INPP4B: variants seen among roughly 807,000 people sequenced by gnomAD.
INPP4B encodes the protein inositol polyphosphate 4-phosphatase type II.
In INPP4B, 55 loss-of-function variants were observed where a neutral mutation model predicts 122.5. The observed-to-expected ratio is 0.45, with a 90% CI of 0.36 to 0.56. The LOEUF is 0.56. Ranked by LOEUF, INPP4B falls within the 20% of genes least tolerant of loss-of-function variation. The pLI is 0.00. For missense variants in INPP4B, 1,000 were observed against 1,097.7 expected, an observed-to-expected ratio of 0.91 and a Z score of 1.26; for synonymous variants, 403 against 388.7, an observed-to-expected ratio of 1.04 and a Z score of -0.43.
intron 12 of INPP4B, among the ~76,000 whole-genome samples, chr4:142,236,302 A>G (rs1457260074): frequency 6.6e-6 from 1 of 152,206 alleles, no homozygotes; most frequent in Non-Finnish European, 1.5e-5. Context: ...CAAACTCCTT[A>G]TGCTTCTACT....
chr4:142,633,499 C>T (rs1748437635), intron 2 of INPP4B, among the ~76,000 whole-genome samples: 1 of 152,072 alleles, frequency 6.6e-6, no homozygotes, highest in Admixed American at 6.6e-5. Context: ...TATCTTAACA[C>T]ACTTAAAGGA....
At chr4:142,643,745 G>A (rs1751086108) in intron 2 of INPP4B, among the ~76,000 whole-genome samples, 1 of 152,056 alleles carries the variant, frequency 6.6e-6, no homozygotes, top group Non-Finnish European at 1.5e-5. Flanking sequence ...ATTGGGCAGA[G>A]GTTTAAGTGA....
chr4:142,402,992 C>G lies in INPP4B; in HGVS notation c.318G>C (p.Glu106Asp). The G allele has an allele frequency of 1.2e-6, 2 of 1,611,008 alleles. No individual in the cohort carries two copies. The highest frequency in any genetic ancestry group is 1.7e-6 in the Non-Finnish European group (2 of 1,177,262). ...AGACTGTTAGTTTTATTTTGGTCTC[C>G]TCATAGATGGGATACTCAGATGGGA... Reference protein sequence around the residue: ...VTFPSEYPIYEETKIKLTVYD... With the variant: ...VTFPSEYPIYDETKIKLTVYD... Residue 106 changes from glutamate to aspartate, a missense_variant, in exon 7 of 26, where the codon GAG becomes GAC. By Grantham distance (45) the Glu-to-Asp change is conservative. Coordinates refer to ENST00000262992, the MANE Select transcript of INPP4B (RefSeq NM_001101669.3).
At chr4:142,803,932 G>A (rs1778345389) in intron 1 of INPP4B, among the ~76,000 whole-genome samples, 1 of 151,912 alleles carries the variant, frequency 6.6e-6, no homozygotes, top group Non-Finnish European at 1.5e-5. Context: ...GGCGGCATGT[G>A]CCTATAATCC....
At chr4:142,265,629 A>G (rs1435884376) in intron 10 of INPP4B, among the ~76,000 whole-genome samples, 2 of 152,202 alleles carry the variant, frequency 1.3e-5, no homozygotes, top group African/African-American at 2.4e-5. Flanking sequence ...AAAGATTGCT[A>G]AGAGAGTTTA....
chr4:142,807,977 C>T (rs1241012761), intron 1 of INPP4B, among the ~76,000 whole-genome samples: 1 of 152,116 alleles, frequency 6.6e-6, no homozygotes, highest in East Asian at 1.9e-4. Context: ...GATTTTCCAA[C>T]TTCGTTATAA....
At chr4:142,480,284 T>C (rs1312376660) in intron 2 of INPP4B, among the ~76,000 whole-genome samples, 4 of 152,188 alleles carry the variant, frequency 2.6e-5, no homozygotes, top group Non-Finnish European at 5.9e-5. Flanking sequence ...AGGTTTATGT[T>C]ATCAATTCAT....
At chr4:142,162,267 G>T (rs2152913425) in intron 16 of INPP4B, among the ~76,000 whole-genome samples, 1 of 150,402 alleles carries the variant, frequency 6.6e-6, no homozygotes, top group East Asian at 2.0e-4. Context: ...GCAAAAAAAA[G>T]AAGTGTTCAC....
chr4:142,205,215 CT>C (rs1218958993), intron 14 of INPP4B, among the ~76,000 whole-genome samples: 9 of 152,054 alleles, frequency 5.9e-5, no homozygotes, highest in African/African-American at 2.2e-4. Context: ...CATAGTTTCT[CT>C]TTGTTTGGTG....
chr4:142,585,573 C>T (rs2150221848), intron 2 of INPP4B, among the ~76,000 whole-genome samples: 1 of 152,228 alleles, frequency 6.6e-6, no homozygotes, highest in Non-Finnish European at 1.5e-5. Context: ...GACAAGTAGT[C>T]ATATCCACTG....
chr4:142,527,620 A>C (rs1827099244), intron 2 of INPP4B, among the ~76,000 whole-genome samples: 1 of 152,030 alleles, frequency 6.6e-6, no homozygotes, highest in African/African-American at 2.4e-5. Context: ...ATTGAGCATT[A>C]ATTGCCTTTC....
At chr4:142,758,337 G>C (rs1561036742) in intron 1 of INPP4B, among the ~76,000 whole-genome samples, 1 of 152,178 alleles carries the variant, frequency 6.6e-6, no homozygotes, top group African/African-American at 2.4e-5. Flanking sequence ...TGAAATAAAA[G>C]AATTAGGGAA....
intron 2 of INPP4B, among the ~76,000 whole-genome samples, chr4:142,628,163 A>C (rs1053685403): frequency 2.0e-5 from 3 of 150,496 alleles, no homozygotes; most frequent in Non-Finnish European, 4.4e-5. Context: ...AACCAACCCA[A>C]ATGTCCAACA....
chr4:142,144,423 T>C (rs1450269281), intron 18 of INPP4B, among the ~76,000 whole-genome samples: 2 of 152,044 alleles, frequency 1.3e-5, no homozygotes, highest in Non-Finnish European at 2.9e-5. Context: ...GTCACTAAAA[T>C]GAATTCTTCT....
At chr4:142,240,347 G>T (rs755765253) in intron 11 of INPP4B, among the ~76,000 whole-genome samples, 1 of 151,792 alleles carries the variant, frequency 6.6e-6, no homozygotes, top group Non-Finnish European at 1.5e-5. Flanking sequence ...TGGCCTTATT[G>T]TTTCCATTCT....
intron 7 of INPP4B, among the ~76,000 whole-genome samples, chr4:142,337,733 TATTTATATATATTA>T (rs1157623440): frequency 2.4e-5 from 1 of 41,340 alleles, no homozygotes; most frequent in Non-Finnish European, 5.4e-5. Context: ...ATTTTATATA[TATTTATATATATTA>T]TATATTTTAT....
intron 2 of INPP4B, among the ~76,000 whole-genome samples, chr4:142,471,555 G>A (rs1219260029): frequency 6.6e-6 from 1 of 152,162 alleles, no homozygotes; most frequent in Non-Finnish European, 1.5e-5. Context: ...CATTGTTCAA[G>A]ACTTCAGCTC....
At chr4:142,407,061 T>C (rs1009010938) in intron 5 of INPP4B, among the ~76,000 whole-genome samples, 2 of 152,174 alleles carry the variant, frequency 1.3e-5, no homozygotes, top group Non-Finnish European at 2.9e-5. Context: ...TGGTGCCAGG[T>C]TTCAATAATG....
At chr4:142,227,899 A>C (rs1311959492) in intron 12 of INPP4B, among the ~76,000 whole-genome samples, 1 of 150,158 alleles carries the variant, frequency 6.7e-6, no homozygotes, top group Admixed American at 6.6e-5. Flanking sequence ...ATTAAACAGT[A>C]TGTTTCAAGA....
Sources: allele counts gnomAD v4.1 joint callset (sites outside exome capture counted in the v4.1 genomes callset), GRCh38; gene constraint gnomAD v4.1.1; transcripts MANE v1.5; gene names NCBI Gene and HGNC (gene_info 2026-07-23, HGNC 2026-07-21).